Variants in MAPK10 observed in about 807,000 individuals in gnomAD.
MAPK10 encodes mitogen-activated protein kinase 10.
Under a neutral mutation model 59.3 loss-of-function variants are expected in MAPK10, and 25 were observed. The observed-to-expected ratio is 0.42, with a 90% confidence interval of 0.31 to 0.59. The LOEUF is 0.59. MAPK10 is among the 20% of genes least tolerant of loss of function. The pLI, the probability that MAPK10 is intolerant of heterozygous loss-of-function variation, is 0.15. For synonymous variants in MAPK10, 190 were observed against 200.5 expected (o/e 0.95, Z 0.44); for missense variants, 351 against 568.9 (o/e 0.62, Z 3.90).
At chr4:86,392,862 G>A (rs1742422590) in intron 1 of MAPK10, among the ~76,000 whole-genome samples, 1 of 152,224 alleles carries the variant, frequency 6.6e-6, no homozygotes, top group African/African-American at 2.4e-5. Context: ...CAGCTGTTAT[G>A]AGTGCAAGAC....
At chr4:86,049,075 A>G (rs1258542769) in intron 11 of MAPK10, among the ~76,000 whole-genome samples, 1 of 152,088 alleles carries the variant, frequency 6.6e-6, no homozygotes, top group Non-Finnish European at 1.5e-5. Flanking sequence ...TACATATGAG[A>G]TGTTTATCAG....
chr4:86,082,331 A>G (rs2050834193), intron 9 of MAPK10: 1 of 152,230 alleles, frequency 6.6e-6, no homozygotes, highest in African/African-American at 2.4e-5. Context: ...TATGCATTTC[A>G]TATTAACTCA....
At chr4:86,299,393 G>A (rs1419793275) in intron 2 of MAPK10, among the ~76,000 whole-genome samples, 2 of 152,086 alleles carry the variant, frequency 1.3e-5, no homozygotes, top group African/African-American at 2.4e-5. Context: ...GGGTCTTGAG[G>A]GCAGATTCTT....
rs944811140 is a variant in MAPK10 at position 86,017,216 on chromosome 4, G to A, written c.*12C>T. 7.4e-6 allele frequency: 12 copies of A among 1,612,970 alleles called. No homozygotes were observed. The highest frequency in any genetic ancestry group is 2.2e-5 in the South Asian group (2 of 90,988). ...TCCTGAAGAACGCTGGGTTTCGCAG[G>A]CAGGCGGCTAGTCACCTGCAACAAC... On this transcript the variant is annotated 3_prime_UTR_variant, in exon 14 of 14. Coordinates refer to ENST00000641462, the MANE Select transcript of MAPK10 (RefSeq NM_138982.4). The surrounding 1 kb of genome is among the most constrained non-coding windows in gnomAD (Gnocchi z 4.4).
intron 4 of MAPK10, among the ~76,000 whole-genome samples, chr4:86,135,346 G>A (rs2061793671): frequency 6.6e-6 from 1 of 152,200 alleles, no homozygotes; most frequent in Admixed American, 6.5e-5. Flanking sequence ...TCTGAGAAGG[G>A]GCAGACTGCC....
At chr4:86,542,803 A>G (rs1351591383) in intron 1 of MAPK10, among the ~76,000 whole-genome samples, 1 of 152,170 alleles carries the variant, frequency 6.6e-6, no homozygotes, top group Non-Finnish European at 1.5e-5. Context: ...TGAGACTGAA[A>G]CATAGCAATA....
chr4:86,191,630 T>G (rs1312785402), intron 3 of MAPK10: 1 of 142,032 alleles, frequency 7.0e-6, no homozygotes, highest in African/African-American at 2.5e-5. Context: ...TCCATCCCAT[T>G]ATTTTGAGCC....
At chr4:86,407,945 G>A (rs1744570510) in intron 1 of MAPK10, among the ~76,000 whole-genome samples, 3 of 152,076 alleles carry the variant, frequency 2.0e-5, no homozygotes, top group Admixed American at 6.6e-5. Flanking sequence ...GGGTACATGT[G>A]CACAATGTTC....
At chr4:86,254,495 T>C (rs1364812885) in intron 2 of MAPK10, among the ~76,000 whole-genome samples, 1 of 111,928 alleles carries the variant, frequency 8.9e-6, no homozygotes, top group Non-Finnish European at 1.7e-5. Flanking sequence ...TTGAGTGAGA[T>C]TCTTAATCCT....
intron 2 of MAPK10, among the ~76,000 whole-genome samples, chr4:86,324,392 C>T (rs1389706401): frequency 6.7e-6 from 1 of 150,228 alleles, no homozygotes; most frequent in Admixed American, 6.6e-5. Flanking sequence ...ACCTAGGCAA[C>T]AAGAGCAAGG....
chr4:86,435,702 G>A (rs1403590639), intron 1 of MAPK10, among the ~76,000 whole-genome samples: 1 of 152,090 alleles, frequency 6.6e-6, no homozygotes, highest in African/African-American at 2.4e-5. Context: ...CTTTTGCTCT[G>A]GCTGTTAGGT....
At chr4:86,499,217 T>C (rs1184371618) in intron 1 of MAPK10, among the ~76,000 whole-genome samples, 4 of 152,166 alleles carry the variant, frequency 2.6e-5, no homozygotes, top group Non-Finnish European at 4.4e-5. Context: ...CACACTCATA[T>C]AGAGCACAGG....
At chr4:86,067,697 TAG>T in intron 10 of MAPK10, 74 bp downstream of exon 10, 1 of 1,178,150 alleles carries the variant, frequency 8.5e-7, no homozygotes, top group East Asian at 2.4e-5. Flanking sequence ...GAGAAAGAGA[TAG>T]AGGTCTCTAT....
At chr4:86,554,528 C>T (rs1389889706) in intron 1 of MAPK10, among the ~76,000 whole-genome samples, 1 of 152,156 alleles carries the variant, frequency 6.6e-6, no homozygotes, top group Non-Finnish European at 1.5e-5. Context: ...GTCCCTCTTA[C>T]CACCCACACC....
chr4:86,026,613 C>G (rs1433711078), intron 13 of MAPK10: 2 of 152,078 alleles, frequency 1.3e-5, no homozygotes, highest in African/African-American at 4.8e-5. Context: ...GTACTTGGCC[C>G]CTGAGATACT....
At chr4:86,129,494 A>T (rs1007828747) in intron 4 of MAPK10, among the ~76,000 whole-genome samples, 2 of 152,198 alleles carry the variant, frequency 1.3e-5, no homozygotes, top group African/African-American at 4.8e-5. Context: ...TGGTCCATAT[A>T]GTAGTCTTCT....
At chr4:86,273,767 T>C (rs1479140560) in intron 2 of MAPK10, among the ~76,000 whole-genome samples, 3 of 152,032 alleles carry the variant, frequency 2.0e-5, no homozygotes, top group Non-Finnish European at 4.4e-5. Context: ...CTTTTCCTTA[T>C]AGTTGTGAGT....
chr4:86,075,831 T>C (rs549573294), intron 9 of MAPK10, among the ~76,000 whole-genome samples: 31 of 152,236 alleles, frequency 2.0e-4, no homozygotes, highest in Admixed American at 2.0e-3. Context: ...TCTGCAGAGG[T>C]TACTGCTGTC....
chr4:86,136,285 G>T (rs931237563), intron 4 of MAPK10, among the ~76,000 whole-genome samples: 11 of 152,236 alleles, frequency 7.2e-5, no homozygotes, highest in African/African-American at 2.6e-4. Context: ...CAGCCAGAGA[G>T]AAAGGTCGGG....
Sources: allele counts gnomAD v4.1 joint callset (sites outside exome capture counted in the v4.1 genomes callset), GRCh38; gene constraint gnomAD v4.1.1; non-coding constraint Gnocchi (gnomAD v3.1); transcripts MANE v1.5; gene names NCBI Gene and HGNC (gene_info 2026-07-23, HGNC 2026-07-21).